SLU7: variants seen among roughly 807,000 people sequenced by gnomAD.
SLU7 encodes the protein pre-mRNA-splicing factor SLU7.
In SLU7, 60 loss-of-function variants were observed where a neutral mutation model predicts 87.0. The observed-to-expected ratio is 0.69, with a 90% confidence interval of 0.56 to 0.86. The LOEUF is 0.86. Ranked by LOEUF, SLU7 falls within the 40% of genes least tolerant of loss-of-function variation. SLU7 has a pLI of 0.00. For missense variants in SLU7, 507 were observed against 686.6 expected (o/e 0.74, Z 2.92); for synonymous variants, 197 against 222.0 (o/e 0.89, Z 1.00).
chr5:160,414,762 T>C (rs971908126), intron 2 of SLU7, among the ~76,000 whole-genome samples: 2 of 152,214 alleles, frequency 1.3e-5, no homozygotes, highest in Non-Finnish European at 2.9e-5. Context: ...CTAAATCTTC[T>C]ATCACAAGAA....
chr5:160,411,007 A>G (rs28630931), intron 6 of SLU7, among the ~76,000 whole-genome samples: 1,828 of 151,428 alleles, frequency 0.012, 36 homozygotes, highest in African/African-American at 0.041. Context: ...CTGGGACTAC[A>G]GGCGCCCGCC....
At chr5:160,406,726 A>T in intron 11 of SLU7, 97 bp from the exon 12 acceptor site, 7 of 1,021,916 alleles carry the variant, frequency 6.8e-6, no homozygotes, top group Non-Finnish European at 9.8e-6. Context: ...GAAAGGGAAC[A>T]TTCTTTACTG....
chr5:160,412,144 T>C (rs1765262794), intron 6 of SLU7, among the ~76,000 whole-genome samples: 1 of 152,212 alleles, frequency 6.6e-6, no homozygotes, highest in Admixed American at 6.5e-5. Context: ...AAAAATGCTG[T>C]ACTATCTTTA....
At chr5:160,410,561 A>C (rs1382092895) in intron 6 of SLU7, among the ~76,000 whole-genome samples, 2 of 152,112 alleles carry the variant, frequency 1.3e-5, no homozygotes, top group African/African-American at 4.8e-5. Context: ...TAAAACTTAA[A>C]GTATATAAAA....
Position 160,401,825 on chromosome 5 carries a change from C to T in SLU7, c.*1460G>A, listed in dbSNP as rs886118855. On this transcript the variant is annotated 3_prime_UTR_variant, in exon 16 of 16. Transcript: ENST00000297151. ...TTTAATTTCATACCAATCTAAAGCT[C>T]GACACTATGTATATCCAAAGTACTT... 1.3e-4 allele frequency: 20 copies of T among 152,140 alleles called. No individual in the cohort carries two copies. Among genetic ancestry groups the T allele is most frequent in the African/African-American group, 4.3e-4 (18 of 41,428 alleles). 9.4% of individuals were successfully genotyped at this position (152,140 alleles called of 1,614,324 possible). A position where few individuals can be genotyped will look rare whatever the true frequency, so the allele number is the denominator to read the frequency against.
At chr5:160,404,315 C>T (rs1040940400) in intron 15 of SLU7, 125 bp downstream of exon 15, 40 of 626,166 alleles carry the variant, frequency 6.4e-5, no homozygotes, top group East Asian at 1.4e-4. Context: ...CAGTGAGCTG[C>T]GGTCGTGCCA....
chr5:160,414,581 T>G, intron 2 of SLU7, 109 bp from the exon 3 acceptor site: 1 of 598,244 alleles, frequency 1.7e-6, no homozygotes, highest in Non-Finnish European at 2.7e-6. Flanking sequence ...AATATTGCAG[T>G]GGTAGGGGGA....
At chr5:160,415,878 A>G (rs914488556) in intron 1 of SLU7, among the ~76,000 whole-genome samples, 2 of 151,402 alleles carry the variant, frequency 1.3e-5, no homozygotes, top group Admixed American at 6.6e-5. Context: ...CTGACACTAC[A>G]TTCTCTTGGT....
intron 6 of SLU7, among the ~76,000 whole-genome samples, chr5:160,411,466 G>C (rs1056221188): frequency 4.6e-5 from 7 of 152,248 alleles, no homozygotes; most frequent in African/African-American, 1.7e-4. Context: ...TGATCCACCT[G>C]CCTCGGCCTC....
At chr5:160,417,212 G>A (rs1448363563) in intron 1 of SLU7, 1 of 152,100 alleles carries the variant, frequency 6.6e-6, no homozygotes, top group African/African-American at 2.4e-5. Flanking sequence ...CTCCAATGCA[G>A]TACCGTCCAA....
At chr5:160,412,377 G>A in intron 6 of SLU7, 74 bp downstream of exon 6, 1 of 928,610 alleles carries the variant, frequency 1.1e-6, no homozygotes, top group African/African-American at 1.7e-5. Context: ...GCTATAAAAT[G>A]AATTCTTGTT....
chr5:160,416,907 G>A (rs1373518807), intron 1 of SLU7, among the ~76,000 whole-genome samples: 1 of 152,204 alleles, frequency 6.6e-6, no homozygotes, highest in African/African-American at 2.4e-5. Context: ...GAGACCGGGT[G>A]AGAGATCACT....
At position 160,408,678 on chromosome 5, in the gene SLU7, C is replaced by A; in HGVS notation, c.659G>T (p.Trp220Leu). ...VEQANSPKHQ[W>L]GEEEPNSQME... ...CTGAGAATTTGGTTCCTCTTCTCCC[C>A]ACTGGTGTTTTGGAGAATTCTGCAT... is the stretch of plus-strand genomic sequence containing the variant. The change falls in exon 7 of 16, where the codon TGG becomes TTG. Residue 220 changes from tryptophan to leucine, a missense_variant. By Grantham distance (61) the Trp-to-Leu change is moderately conservative. This residue lies in a region of SLU7 where 155 missense variants were observed against 154.4 expected (regional missense o/e 1.00). Coordinates refer to ENST00000297151, the MANE Select transcript of SLU7 (RefSeq NM_006425.5). 1 of 1,568,716 alleles carries A rather than the reference C, an allele frequency of 6.4e-7. No homozygotes were observed. Among genetic ancestry groups the A allele is most frequent in the Non-Finnish European group, 8.7e-7 (1 of 1,149,028 alleles).
intron 14 of SLU7, 31 bp from the exon 15 acceptor site, chr5:160,404,587 T>C: frequency 2.1e-6 from 3 of 1,426,378 alleles, no homozygotes; most frequent in South Asian, 1.2e-5. Context: ...GCAGTGTTAT[T>C]AATGTGAAAA....
chr5:160,413,322 C>A, intron 5 of SLU7, 134 bp downstream of exon 5: 1 of 632,446 alleles, frequency 1.6e-6, no homozygotes, highest in Non-Finnish European at 2.6e-6. Context: ...TAAAGGTAGC[C>A]TATACAGTAG....
chr5:160,417,791 C>A (rs1242367723), intron 1 of SLU7, among the ~76,000 whole-genome samples: 212 of 111,072 alleles, frequency 1.9e-3, no homozygotes, highest in African/African-American at 2.8e-3. Context: ...GACTACGTCT[C>A]AAAAAAAAAA....
Position 160,412,534 on chromosome 5 carries a change from A to AAG in SLU7, c.571-16_571-15insCT, listed in dbSNP as rs1554082321. 2 of 1,283,442 alleles carry AAG rather than the reference A, an allele frequency of 1.6e-6. No homozygotes were observed. Among genetic ancestry groups the AAG allele is most frequent in the Non-Finnish European group, 2.1e-6 (2 of 954,888 alleles). The allele number at this position is 1,283,442 out of a possible 1,614,324, so 79.5% of individuals were successfully genotyped here. ...GTTCGTTTTGCCTTTAAAAAAAAAAAAAAGAAAGAAAGAAAGAAAAAGTAA... is the reference window on the plus strand; with the variant it reads ...GTTCGTTTTGCCTTTAAAAAAAAAAAAGAAAGAAAGAAAGAAAGAAAAAGTAA... On this transcript the variant is annotated splice_polypyrimidine_tract_variant and intron_variant, in intron 5 of 15. Coordinates refer to ENST00000297151, the MANE Select transcript of SLU7 (RefSeq NM_006425.5).
At chr5:160,414,521 T>C (rs1251196853) in intron 2 of SLU7, 49 bp from the exon 3 acceptor site, 2 of 1,240,796 alleles carry the variant, frequency 1.6e-6, no homozygotes, top group Non-Finnish European at 2.2e-6. Context: ...AATTGGAAAA[T>C]AATCAGTATT....
chr5:160,408,230 ACT>A, intron 8 of SLU7, 97 bp downstream of exon 8: 1 of 1,334,206 alleles, frequency 7.5e-7, no homozygotes, highest in Non-Finnish European at 1.0e-6. Context: ...TCTTAGAATG[ACT>A]CTGACTATAT....
Sources: allele counts gnomAD v4.1 joint callset (sites outside exome capture counted in the v4.1 genomes callset), GRCh38; gene constraint gnomAD v4.1.1; regional missense constraint gnomAD v4.1.1; transcripts MANE v1.5; gene names NCBI Gene and HGNC (gene_info 2026-07-23, HGNC 2026-07-21).